Variants in ORM1 observed in about 807,000 individuals in gnomAD.
ORM1 encodes the protein alpha-1-acid glycoprotein 1.
In ORM1, 13 loss-of-function variants were observed where a neutral mutation model predicts 26.9. The observed-to-expected ratio is 0.48, with a 90% CI of 0.31 to 0.77. The LOEUF (loss-of-function observed/expected upper bound fraction) is 0.77, where lower values mean the gene tolerates loss of function less well. Ranked by LOEUF, ORM1 falls within the 30% of genes least tolerant of loss-of-function variation. The pLI, the probability that ORM1 is intolerant of heterozygous loss-of-function variation, is 0.04. For synonymous variants in ORM1, 76 were observed against 102.2 expected (o/e 0.74, Z 1.55); for missense variants, 189 against 246.8 (o/e 0.77, Z 1.57).
intron 3 of ORM1, among the ~76,000 whole-genome samples, chr9:114,324,402 T>C (rs1223094935): frequency 2.0e-5 from 3 of 152,088 alleles, no homozygotes; most frequent in Non-Finnish European, 4.4e-5. Flanking sequence ...TGCAAACCAA[T>C]GGTAGAAGCC....
Position 114,324,007 on chromosome 9 carries a change from T to G in ORM1, c.258-11T>G, listed in dbSNP as rs747369252. 8.7e-6 allele frequency: 14 copies of G among 1,613,804 alleles called. No individual in the cohort carries two copies. Among genetic ancestry groups the G allele is most frequent in the South Asian group, 7.7e-5 (7 of 91,056 alleles). Reference sequence around the variant, plus strand: ...CTTCCTGTTTTCCTTCCGCCTTCTGTTTGGCTTTAGACAGGACCAGTGCAT... The same window carrying G: ...CTTCCTGTTTTCCTTCCGCCTTCTGGTTGGCTTTAGACAGGACCAGTGCAT... On this transcript the variant is annotated splice_polypyrimidine_tract_variant and intron_variant, in intron 2 of 5. Transcript: ENST00000259396.
Sources: gnomAD v4.1 joint callset for allele counts (sites outside exome capture counted in the v4.1 genomes callset) on GRCh38, gnomAD v4.1.1 for gene constraint, MANE v1.5 for transcripts, NCBI Gene and HGNC (gene_info 2026-07-23, HGNC 2026-07-21) for gene names.